IMMP2L: variants seen among roughly 807,000 people sequenced by gnomAD.
The protein encoded by IMMP2L is mitochondrial inner membrane protease subunit 2.
IMMP2L carries 18 observed loss-of-function variants against 19.3 expected under a neutral mutation model. The observed-to-expected ratio is 0.93, with a 90% CI of 0.64 to 1.38. IMMP2L has a LOEUF of 1.38. Among genes scored for constraint, IMMP2L ranks in the 40% most tolerant of loss-of-function variants. The pLI is 0.00. For missense variants in IMMP2L, 233 were observed against 218.2 expected, an observed-to-expected ratio of 1.07 and a Z score of -0.43; for synonymous variants, 76 against 73.0, an observed-to-expected ratio of 1.04 and a Z score of -0.21.
chr7:110,792,719 C>G (rs1235630759), intron 5 of IMMP2L, among the ~76,000 whole-genome samples: 2 of 152,060 alleles, frequency 1.3e-5, no homozygotes, highest in Admixed American at 1.3e-4. Flanking sequence ...AAAAAGGTCA[C>G]TCTTAATGTT....
chr7:111,021,434 A>G (rs2129566760), intron 3 of IMMP2L, among the ~76,000 whole-genome samples: 1 of 152,330 alleles, frequency 6.6e-6, no homozygotes. Flanking sequence ...CATATCCGAG[A>G]CTGGGTAATT....
At chr7:111,511,510 A>T (rs1376620580) in intron 2 of IMMP2L, among the ~76,000 whole-genome samples, 1 of 151,922 alleles carries the variant, frequency 6.6e-6, no homozygotes, top group African/African-American at 2.4e-5. Flanking sequence ...TTAGCCAGGC[A>T]TGGTGGTGCA....
chr7:111,084,467 C>T (rs753942618), intron 3 of IMMP2L, among the ~76,000 whole-genome samples: 4 of 151,844 alleles, frequency 2.6e-5, no homozygotes, highest in Non-Finnish European at 2.9e-5. Flanking sequence ...GATAGATAGA[C>T]GGATGGATGG....
intron 5 of IMMP2L, among the ~76,000 whole-genome samples, chr7:110,838,154 T>C (rs73419235): frequency 0.034 from 5,109 of 151,816 alleles, 191 homozygotes; most frequent in African/African-American, 0.094. Flanking sequence ...CAGTCAGTAG[T>C]TATCTGGGCC....
chr7:111,534,226 T>A (rs1847664308), intron 1 of IMMP2L, among the ~76,000 whole-genome samples: 1 of 152,220 alleles, frequency 6.6e-6, no homozygotes, highest in African/African-American at 2.4e-5. Context: ...ATATTCAACA[T>A]ACCATTTTTA....
At chr7:110,908,672 A>G (rs1024044339) in intron 4 of IMMP2L, among the ~76,000 whole-genome samples, 2 of 152,216 alleles carry the variant, frequency 1.3e-5, no homozygotes, top group Non-Finnish European at 2.9e-5. Context: ...GCTTTCAACT[A>G]TTTATGCTTA....
At chr7:111,207,735 C>T (rs910405568) in intron 3 of IMMP2L, among the ~76,000 whole-genome samples, 43 of 151,920 alleles carry the variant, frequency 2.8e-4, no homozygotes, top group African/African-American at 1.0e-3. Flanking sequence ...AAGGTTTCAC[C>T]ATGTTGGCCA....
At chr7:110,669,052 CGTGTGTGTGTGTGTGT>C (rs1165734674) in intron 5 of IMMP2L, among the ~76,000 whole-genome samples, 5 of 65,272 alleles carry the variant, frequency 7.7e-5, no homozygotes, top group African/African-American at 2.5e-4. Context: ...TGTGTGTGTG[CGTGTGTGTGTGTGTGT>C]GTGTGTGTGT....
At chr7:110,782,204 G>T (rs1162191453) in intron 5 of IMMP2L, among the ~76,000 whole-genome samples, 1 of 151,812 alleles carries the variant, frequency 6.6e-6, no homozygotes, top group East Asian at 1.9e-4. Context: ...TATCCACTAG[G>T]CTTATATCTT....
intron 3 of IMMP2L, among the ~76,000 whole-genome samples, chr7:111,070,208 A>G (rs1019664881): frequency 1.3e-5 from 2 of 152,224 alleles, no homozygotes; most frequent in African/African-American, 2.4e-5. Flanking sequence ...TATAAATTCA[A>G]TTGGAAAAAA....
chr7:111,194,547 C>T (rs1040719879), intron 3 of IMMP2L, among the ~76,000 whole-genome samples: 10 of 152,042 alleles, frequency 6.6e-5, no homozygotes, highest in African/African-American at 2.4e-4. Context: ...TGTTAAGAAC[C>T]TCATCTTATT....
chr7:111,414,943 G>T (rs1386001481), intron 3 of IMMP2L, among the ~76,000 whole-genome samples: 1 of 151,692 alleles, frequency 6.6e-6, no homozygotes, highest in East Asian at 1.9e-4. Flanking sequence ...TTCCCCTTGG[G>T]GGTGGGTAGG....
At chr7:111,473,092 T>C (rs910508608) in intron 3 of IMMP2L, among the ~76,000 whole-genome samples, 3 of 152,146 alleles carry the variant, frequency 2.0e-5, no homozygotes, top group African/African-American at 7.2e-5. Context: ...ATGACATTAT[T>C]AAAAATAATA....
At chr7:111,329,067 T>A (rs936859006) in intron 3 of IMMP2L, among the ~76,000 whole-genome samples, 2 of 151,870 alleles carry the variant, frequency 1.3e-5, no homozygotes, top group Non-Finnish European at 2.9e-5. Context: ...GATCGTCACA[T>A]CTTTTGAAAA....
chr7:111,188,840 T>C (rs1339627222), intron 3 of IMMP2L, among the ~76,000 whole-genome samples: 1 of 152,164 alleles, frequency 6.6e-6, no homozygotes, highest in Admixed American at 6.5e-5. Flanking sequence ...TATTTAGCTA[T>C]TAGTCCTACA....
intron 3 of IMMP2L, among the ~76,000 whole-genome samples, chr7:111,292,290 T>C (rs1821198572): frequency 1.3e-5 from 2 of 152,124 alleles, no homozygotes; most frequent in Admixed American, 1.3e-4. Context: ...TGGATTCCTC[T>C]GGATTCTCTC....
At chr7:111,077,537 G>A (rs1795518337) in intron 3 of IMMP2L, among the ~76,000 whole-genome samples, 1 of 151,998 alleles carries the variant, frequency 6.6e-6, no homozygotes, top group Non-Finnish European at 1.5e-5. Context: ...AATATCTCTG[G>A]AATACTGTCA....
intron 3 of IMMP2L, among the ~76,000 whole-genome samples, chr7:111,160,740 TA>T (rs963387629): frequency 6.7e-6 from 1 of 149,752 alleles, no homozygotes; most frequent in African/African-American, 2.4e-5. Context: ...AAAGTAAAAT[TA>T]AAAAATATAA....
intron 5 of IMMP2L, among the ~76,000 whole-genome samples, chr7:110,841,427 A>C: frequency 6.6e-6 from 1 of 152,092 alleles, no homozygotes; most frequent in East Asian, 1.9e-4. Context: ...ATGCACGAAA[A>C]TTAATGATAG....
Sources: allele counts gnomAD v4.1 joint callset (sites outside exome capture counted in the v4.1 genomes callset), GRCh38; gene constraint gnomAD v4.1.1; transcripts MANE v1.5; gene names NCBI Gene and HGNC (gene_info 2026-07-23, HGNC 2026-07-21).